CATSPERD: variants seen among roughly 807,000 people sequenced by gnomAD.
CATSPERD encodes catsper channel auxiliary subunit delta.
A neutral mutation model predicts 98.1 loss-of-function variants in CATSPERD; 86 were observed. The ratio of observed to expected loss-of-function variants is 0.88; its 90% CI spans 0.74 to 1.05. CATSPERD has a LOEUF of 1.05. CATSPERD is among the 50% of genes least tolerant of loss of function. The probability of loss-of-function intolerance (pLI) is 0.00; values close to 1 mark genes in which losing one functional copy is unlikely to be tolerated. For synonymous variants in CATSPERD, 394 were observed against 390.2 expected, an observed-to-expected ratio of 1.01 and a Z score of -0.12; for missense variants, 995 against 1,005.7, an observed-to-expected ratio of 0.99 and a Z score of 0.14.
intron 20 of CATSPERD, among the ~76,000 whole-genome samples, chr19:5,774,235 G>A (rs1431088010): frequency 6.6e-6 from 1 of 151,788 alleles, no homozygotes; most frequent in African/African-American, 2.4e-5. Context: ...CAAAGTGCTG[G>A]GATTATAGGC....
chr19:5,733,836 A>T lies in CATSPERD; in HGVS notation c.277-20A>T, dbSNP rs749835427. 4 of 1,498,478 alleles carry T rather than the reference A, an allele frequency of 2.7e-6. No individual in the cohort carries two copies. The African/African-American group carries it at 5.6e-5, about 21-fold the overall frequency. 92.8% of individuals were successfully genotyped at this position (1,498,478 alleles called of 1,614,324 possible). A position where few individuals can be genotyped will look rare whatever the true frequency, so the allele number is the denominator to read the frequency against. On this transcript the variant is annotated intron_variant, in intron 4 of 21. Coordinates refer to ENST00000381624, the MANE Select transcript of CATSPERD (RefSeq NM_152784.4). ...TTGAAAAGATGCTCTCATTGATATC[A>T]TCCATATGATAACTTTTAGGTCGGC...
intron 7 of CATSPERD, among the ~76,000 whole-genome samples, chr19:5,741,060 G>A (rs571605447): frequency 4.1e-3 from 195 of 47,968 alleles, no homozygotes; most frequent in Middle Eastern, 0.02. Flanking sequence ...ACTGCAGTCT[G>A]GATGACAGAG....
Position 5,745,980 on chromosome 19 carries a change from C to T in CATSPERD, c.725C>T (p.Thr242Ile). The T allele has an allele frequency of 1.2e-6, 2 of 1,614,154 alleles. No homozygotes were observed. Among genetic ancestry groups the T allele is most frequent in the South Asian group, 1.1e-5 (1 of 91,082 alleles). Residue 242 changes from threonine to isoleucine, a missense_variant, in exon 9 of 22, where the codon ACT (threonine) becomes ATT (isoleucine). By Grantham distance (89) the Thr-to-Ile change is moderately conservative (BLOSUM62 -1). This residue lies in a region of CATSPERD where 762 missense variants were observed against 773.7 expected (regional missense o/e 0.98). Transcript: ENST00000381624. Reference sequence around the variant, plus strand: ...GGGCTGTCTTTTGACTATAATGGGACTCTAGACATCCTCATCGCCCCCGGC... The same window carrying T: ...GGGCTGTCTTTTGACTATAATGGGATTCTAGACATCCTCATCGCCCCCGGC... ...SFGLSFDYNG[T>I]LDILIAPGQR...
At chr19:5,733,231 T>C (rs1599518711) in intron 4 of CATSPERD, among the ~76,000 whole-genome samples, 1 of 151,946 alleles carries the variant, frequency 6.6e-6, no homozygotes, top group Middle Eastern at 3.2e-3. Context: ...TCACCTCAGG[T>C]GATTCACCTG....
chr19:5,758,966 C>T (rs756259656), intron 14 of CATSPERD, 120 bp from the exon 15 acceptor site: 20 of 767,200 alleles, frequency 2.6e-5, no homozygotes, highest in Middle Eastern at 3.0e-4. Context: ...TGGGGCTAAG[C>T]GGCTTCCAGG....
chr19:5,772,529 G>A lies in CATSPERD; in HGVS notation c.1764-259G>A, dbSNP rs934443154. 6.9e-5 allele frequency: 30 copies of A among 437,858 alleles called. 1 individual carries two copies. Among genetic ancestry groups the A allele is most frequent in the Admixed American group, 5.5e-4 (14 of 25,226 alleles). 27.1% of individuals were successfully genotyped at this position (437,858 alleles called of 1,614,324 possible). A position where few individuals can be genotyped will look rare whatever the true frequency, so the allele number is the denominator to read the frequency against. On this transcript the variant is annotated intron_variant, in intron 19 of 21. Coordinates refer to ENST00000381624, the MANE Select transcript of CATSPERD (RefSeq NM_152784.4). ...GGCGTGAGCCGCCGCGCCTAGCTCC[G>A]AGCAGACTTTTCCTTCCACCCTGTT...
chr19:5,770,960 G>T lies in CATSPERD; in HGVS notation c.1651G>T (p.Gly551Cys). 2 of 1,610,516 alleles carry T rather than the reference G, an allele frequency of 1.2e-6. No homozygotes were observed. Among genetic ancestry groups the T allele is most frequent in the Non-Finnish European group, 1.7e-6 (2 of 1,178,660 alleles). Residue 551 changes from glycine (G) to cysteine (C), a missense_variant, in exon 19 of 22, where the codon GGC (glycine) becomes TGC (cysteine). Physicochemically the swap from Gly to Cys is radical, Grantham distance 159. This residue lies in a region of CATSPERD where 762 missense variants were observed against 773.7 expected (regional missense o/e 0.98). Transcript: ENST00000381624. ...GTCTTGAAGGGAATTCTACGACCCC[G>T]GCTTCCAGGGGCAGCAGTCCTCCGA... is the stretch of plus-strand genomic sequence containing the variant. The part of the protein sequence containing the change: ...FIIEKEFYDP[G>C]FQGQQSSEDL...
chr19:5,756,924 CAG>C (rs1008899525), intron 13 of CATSPERD, among the ~76,000 whole-genome samples: 2 of 151,160 alleles, frequency 1.3e-5, no homozygotes, highest in Admixed American at 6.6e-5. Context: ...GCCTGGGTGA[CAG>C]AGCAAGACTC....
At chr19:5,775,942 T>G (rs1472517207) in intron 20 of CATSPERD, among the ~76,000 whole-genome samples, 1 of 152,132 alleles carries the variant, frequency 6.6e-6, no homozygotes, top group Non-Finnish European at 1.5e-5. Context: ...TCTTTCGGCC[T>G]CCAACAGAGG....
rs779600704 is a variant in CATSPERD at position 5,772,916 on chromosome 19, G to C, written c.1892G>C (p.Trp631Ser). Residue 631 changes from tryptophan to serine, a missense_variant, in exon 20 of 22, where the codon TGG (tryptophan) becomes TCG (serine). Transcript: ENST00000381624. Reference sequence around the variant, plus strand: ...ATGTGTACCTCCCAGCCGCAGAACTGGACCACCATGATAAAGGAATTCGGG... The same window carrying C: ...ATGTGTACCTCCCAGCCGCAGAACTCGACCACCATGATAAAGGAATTCGGG... ...SAMCTSQPQN[W>S]TTMIKEFGGP... The C allele has an allele frequency of 6.2e-7, 1 of 1,614,094 alleles. No homozygotes were observed. Among genetic ancestry groups the C allele is most frequent in the Non-Finnish European group, 8.5e-7 (1 of 1,180,002 alleles).
intron 4 of CATSPERD, among the ~76,000 whole-genome samples, chr19:5,731,574 T>TG (rs1448010147): frequency 1.6e-5 from 2 of 124,416 alleles, no homozygotes; most frequent in Admixed American, 8.3e-5. Flanking sequence ...TTTTTTTTTT[T>TG]TTTTTTTTTT....
intron 9 of CATSPERD, 144 bp downstream of exon 9, chr19:5,746,207 GC>G: frequency 1.2e-6 from 1 of 864,582 alleles, no homozygotes; most frequent in Non-Finnish European, 1.8e-6. Flanking sequence ...TGGACCACAA[GC>G]CCATAATCAT....
At chr19:5,748,775 A>C (rs1317528382) in intron 10 of CATSPERD, among the ~76,000 whole-genome samples, 2 of 102,604 alleles carry the variant, frequency 1.9e-5, no homozygotes, top group Non-Finnish European at 3.6e-5. Context: ...CTTGTTACCC[A>C]GGCTGGAGTA....
At chr19:5,752,581 C>T (rs979016952) in intron 12 of CATSPERD, among the ~76,000 whole-genome samples, 2 of 152,152 alleles carry the variant, frequency 1.3e-5, no homozygotes, top group Non-Finnish European at 2.9e-5. Flanking sequence ...ACTGCCAACA[C>T]GATCAAACTC....
chr19:5,721,006 T>TC (rs1417422470), intron 1 of CATSPERD, among the ~76,000 whole-genome samples, 198 bp downstream of exon 1: 1 of 151,080 alleles, frequency 6.6e-6, no homozygotes, highest in East Asian at 1.9e-4. Flanking sequence ...CCTCTTTTTT[T>TC]TTTTTTTTTT....
chr19:5,720,695 CGTGGCGGTTGAGGGGCAGTG>C lies in CATSPERD; in HGVS notation c.-35_-16del, dbSNP rs1568333910. 3 of 1,584,372 alleles carry C rather than the reference CGTGGCGGTTGAGGGGCAGTG, an allele frequency of 1.9e-6. No individual in the cohort carries two copies. Among genetic ancestry groups the C allele is most frequent in the Non-Finnish European group, 2.6e-6 (3 of 1,163,714 alleles). ...GTACTCGGATTGTGCAGCGACTCCC[CGTGGCGGTTGAGGGGCAGTG>C]GTGGCGGCGGAAGCCCAAGTCGATG... On this transcript the variant is annotated 5_prime_UTR_variant, in exon 1 of 22. The change abolishes the stop of an existing upstream ORF in the 5' untranslated region. Transcript: ENST00000381624.
chr19:5,723,152 A>G (rs1363591851), intron 1 of CATSPERD, among the ~76,000 whole-genome samples: 2 of 146,608 alleles, frequency 1.4e-5, no homozygotes, highest in East Asian at 2.0e-4. Flanking sequence ...GCGCCACTGC[A>G]CTCCAGCCTG....
At chr19:5,739,668 CAAAAAATAA>C (rs1169868719) in intron 7 of CATSPERD, among the ~76,000 whole-genome samples, 1 of 150,252 alleles carries the variant, frequency 6.7e-6, no homozygotes, top group African/African-American at 2.4e-5. Flanking sequence ...CCCATCTCTA[CAAAAAATAA>C]AAAAAATAAA....
chr19:5,760,267 C>T (rs1249888925), intron 15 of CATSPERD, among the ~76,000 whole-genome samples: 1 of 151,244 alleles, frequency 6.6e-6, no homozygotes, highest in African/African-American at 2.4e-5. Context: ...GGCATGGTGA[C>T]AGGCGCCTGT....
Sources: gnomAD v4.1 joint callset for allele counts (sites outside exome capture counted in the v4.1 genomes callset) on GRCh38, gnomAD v4.1.1 for gene constraint, gnomAD v4.1.1 regional missense constraint, MANE v1.5 for transcripts, NCBI Gene and HGNC (gene_info 2026-07-23, HGNC 2026-07-21) for gene names.